NAV3: variants seen among roughly 807,000 people sequenced by gnomAD.
The protein encoded by NAV3 is neuron navigator 3.
NAV3 carries 87 observed loss-of-function variants against 244.7 expected under a neutral mutation model. The observed-to-expected ratio is 0.36, with a 90% confidence interval of 0.30 to 0.42. NAV3 has a LOEUF of 0.42. NAV3 is among the 20% of genes least tolerant of loss of function. The pLI, the probability that NAV3 is intolerant of heterozygous loss-of-function variation, is 1.00. For synonymous variants in NAV3, 1,126 were observed against 1,042.2 expected (o/e 1.08, Z -1.55); for missense variants, 2,663 against 2,893.3 (o/e 0.92, Z 1.83).
At chr12:78,142,750 T>G (rs985429443) in intron 20 of NAV3, among the ~76,000 whole-genome samples, 1 of 137,346 alleles carries the variant, frequency 7.3e-6, no homozygotes, top group Non-Finnish European at 1.5e-5. Flanking sequence ...TATATATATT[T>G]ATAGGCCAAT....
chr12:77,874,989 G>A (rs1450831182), intron 1 of NAV3, among the ~76,000 whole-genome samples: 2 of 152,106 alleles, frequency 1.3e-5, no homozygotes, highest in Admixed American at 6.5e-5. Context: ...TAGGAAGAAT[G>A]CATTTATTTG....
intron 2 of NAV3, among the ~76,000 whole-genome samples, chr12:77,736,748 C>T (rs1877351156): frequency 6.6e-6 from 1 of 152,220 alleles, no homozygotes; most frequent in Non-Finnish European, 1.5e-5. Context: ...GTTCAAGCTA[C>T]AGTGTGCATT....
At chr12:77,674,392 T>A (rs1290949989) in intron 2 of NAV3, among the ~76,000 whole-genome samples, 1 of 149,794 alleles carries the variant, frequency 6.7e-6, no homozygotes, top group Non-Finnish European at 1.5e-5. Flanking sequence ...AATTATACTT[T>A]TTTTTTTTTT....
At chr12:78,050,666 G>A in intron 10 of NAV3, 98 bp from the exon 11 acceptor site, 1 of 1,279,722 alleles carries the variant, frequency 7.8e-7, no homozygotes, top group Non-Finnish European at 1.1e-6. Flanking sequence ...GTGTTTATAA[G>A]AGATGACCCT....
At chr12:77,924,672 G>C (rs1183555922) in intron 1 of NAV3, among the ~76,000 whole-genome samples, 1 of 152,066 alleles carries the variant, frequency 6.6e-6, no homozygotes, top group Non-Finnish European at 1.5e-5. Context: ...TTCAAGATAA[G>C]GATATTCTAT....
intron 2 of NAV3, among the ~76,000 whole-genome samples, chr12:77,653,590 T>C (rs777041718): frequency 9.2e-5 from 14 of 152,226 alleles, no homozygotes; most frequent in Non-Finnish European, 2.1e-4. Flanking sequence ...ACATTTTTTA[T>C]AGCCATATAA....
chr12:78,110,836 C>T (rs1310412008), intron 12 of NAV3, among the ~76,000 whole-genome samples: 1 of 151,958 alleles, frequency 6.6e-6, no homozygotes, highest in Non-Finnish European at 1.5e-5. Flanking sequence ...GACTATCTGC[C>T]ATTAAAAAGA....
intron 18 of NAV3, among the ~76,000 whole-genome samples, chr12:78,133,075 TTTAAATTGATC>T (rs2138940805): frequency 6.6e-6 from 1 of 152,242 alleles, no homozygotes; most frequent in Non-Finnish European, 1.5e-5. Context: ...TGCAGCAGAT[TTTAAATTGATC>T]TTACTCTGTC....
intron 9 of NAV3, among the ~76,000 whole-genome samples, chr12:78,041,860 G>T (rs146950158): frequency 1.3e-5 from 2 of 152,280 alleles, no homozygotes; most frequent in Non-Finnish European, 2.9e-5. Flanking sequence ...ACAGATTATA[G>T]ATACGCATCT....
intron 2 of NAV3, among the ~76,000 whole-genome samples, chr12:77,601,871 A>G (rs1565732282): frequency 6.6e-6 from 1 of 152,014 alleles, no homozygotes. Context: ...GCTTTTTCTC[A>G]GGTAGAATTG....
intron 1 of NAV3, among the ~76,000 whole-genome samples, chr12:77,877,743 G>C (rs984593575): frequency 2.6e-5 from 4 of 152,068 alleles, no homozygotes; most frequent in African/African-American, 9.7e-5. Flanking sequence ...GCTATACATA[G>C]AGACTGTCTT....
chr12:77,754,260 C>A (rs1869011916), intron 2 of NAV3, among the ~76,000 whole-genome samples: 1 of 152,070 alleles, frequency 6.6e-6, no homozygotes, highest in Admixed American at 6.6e-5. Context: ...TAGGGAATAC[C>A]AACGCCCCAG....
At chr12:77,828,767 C>G (rs1565831869), upstream of NAV3, among the ~76,000 whole-genome samples, 1 of 152,054 alleles carries the variant, frequency 6.6e-6, no homozygotes, top group Non-Finnish European at 1.5e-5. Flanking sequence ...AAGATATTGC[C>G]TAATATGCAA....
intron 2 of NAV3, among the ~76,000 whole-genome samples, chr12:77,735,885 T>C (rs1877313982): frequency 6.6e-6 from 1 of 152,148 alleles, no homozygotes; most frequent in Non-Finnish European, 1.5e-5. Context: ...TTACTAAAAT[T>C]ACAATAGAAC....
chr12:77,926,920 T>C (rs1888282946), intron 1 of NAV3, among the ~76,000 whole-genome samples: 2 of 152,350 alleles, frequency 1.3e-5, no homozygotes, highest in South Asian at 4.1e-4. Flanking sequence ...TCTGAACTGC[T>C]AAGGCTTAAA....
In NAV3 at chr12:78,128,716, T is replaced by A. The variant is rs368846936; in HGVS notation, c.4291T>A (p.Ser1431Thr). The change falls in exon 18 of 40, where the codon TCA becomes ACA. Residue 1431 changes from serine to threonine, a missense_variant. Physicochemically the swap from Ser to Thr is moderately conservative, Grantham distance 58. Around this residue, in one of 6 missense-constraint regions of NAV3, gnomAD observed 354 missense variants for 413.0 expected, o/e 0.86. Transcript: ENST00000397909. ...TGTGCTGTTTTGCAGATATACCCCA[T>A]CATCTCGGCAGGCCAACCAAGAAGA... is the stretch of plus-strand genomic sequence containing the variant. ...LPKKGLRYTP[S>T]SRQANQEEGK... 1.2e-6 allele frequency: 2 copies of A among 1,613,852 alleles called. No homozygotes were observed. The highest frequency in any genetic ancestry group is 3.3e-5 in the Admixed American group (2 of 59,992).
At chr12:77,680,592 G>A (rs868752815) in intron 2 of NAV3, among the ~76,000 whole-genome samples, 1 of 152,148 alleles carries the variant, frequency 6.6e-6, no homozygotes. Context: ...ATGGTATTTT[G>A]TACTTCATTG....
intron 2 of NAV3, among the ~76,000 whole-genome samples, chr12:77,574,774 A>G (rs1473336840): frequency 1.3e-5 from 2 of 151,942 alleles, no homozygotes; most frequent in African/African-American, 4.8e-5. Context: ...AGATGTGTAG[A>G]TTTGTACTTA....
intron 3 of NAV3, among the ~76,000 whole-genome samples, chr12:77,959,200 A>G (rs890655493): frequency 6.6e-6 from 1 of 152,182 alleles, no homozygotes; most frequent in Non-Finnish European, 1.5e-5. Context: ...CAGATTTGTA[A>G]TGTATAATGA....
Sources: allele counts gnomAD v4.1 joint callset (sites outside exome capture counted in the v4.1 genomes callset), GRCh38; gene constraint gnomAD v4.1.1; regional missense constraint gnomAD v4.1.1; transcripts MANE v1.5; gene names NCBI Gene and HGNC (gene_info 2026-07-23, HGNC 2026-07-21).